The following PRKCZ variants were observed in gnomAD, a reference collection of about 807,000 sequenced individuals.
PRKCZ encodes protein kinase C zeta.
Under a neutral mutation model 79.5 loss-of-function variants are expected in PRKCZ, and 33 were observed. The ratio of observed to expected loss-of-function variants is 0.41; its 90% CI spans 0.31 to 0.55. PRKCZ has a LOEUF of 0.55. Ranked by LOEUF, PRKCZ falls within the 20% of genes least tolerant of loss-of-function variation. The probability of loss-of-function intolerance (pLI) is 0.19; values close to 1 mark genes in which losing one functional copy is unlikely to be tolerated. For synonymous variants in PRKCZ, 342 were observed against 320.9 expected (o/e 1.07, Z -0.70); for missense variants, 578 against 813.5 (o/e 0.71, Z 3.52).
chr1:2,124,954 C>A (rs559368969), intron 4 of PRKCZ, among the ~76,000 whole-genome samples: 1 of 152,220 alleles, frequency 6.6e-6, no homozygotes, highest in African/African-American at 2.4e-5. Context: ...TGGCCACATC[C>A]TCAGCGCTGT....
chr1:2,073,899 T>A (rs2102319960), intron 4 of PRKCZ: 1 of 1,259,696 alleles, frequency 7.9e-7, no homozygotes, highest in South Asian at 1.8e-5. Context: ...GCATAAAGAA[T>A]CTGCGCTGAG....
intron 4 of PRKCZ, among the ~76,000 whole-genome samples, chr1:2,079,902 A>T (rs2803345): frequency 6.6e-6 from 1 of 151,912 alleles, no homozygotes; most frequent in African/African-American, 2.4e-5. Context: ...AGGGCCGGGC[A>T]TCTCACCCCT....
At chr1:2,068,035 C>T (rs777909674) in intron 4 of PRKCZ, among the ~76,000 whole-genome samples, 2 of 152,210 alleles carry the variant, frequency 1.3e-5, no homozygotes, top group Admixed American at 1.3e-4. Context: ...GGCCACGGGA[C>T]TCTGGACGTG....
intron 9 of PRKCZ, among the ~76,000 whole-genome samples, chr1:2,153,005 A>G (rs148159346): frequency 6.6e-6 from 1 of 152,254 alleles, no homozygotes; most frequent in Non-Finnish European, 1.5e-5. Flanking sequence ...CAAACCTAGC[A>G]GTACAGTTGC....
chr1:2,168,087 T>A lies in PRKCZ; in HGVS notation c.975-1431T>A, dbSNP rs1184113866. Among the ~76,000 whole-genome samples the A allele has an allele frequency of 2.6e-5, 4 of 152,178 alleles. No homozygotes were observed. Among genetic ancestry groups the A allele is most frequent in the Non-Finnish European group, 5.9e-5 (4 of 68,032 alleles). On this transcript the variant is annotated intron_variant, in intron 10 of 17. Coordinates refer to ENST00000378567, the MANE Select transcript of PRKCZ (RefSeq NM_002744.6). This position sits in a 1 kb window ranked among gnomAD's most constrained non-coding sequence, Gnocchi z 4.7. ...TGCACATCGAGGGCACCCTCAGAGC[T>A]GCTCTTTCTGTCATTGCTATTTTGT...
At chr1:2,132,558 G>C (rs1675207243) in intron 4 of PRKCZ, among the ~76,000 whole-genome samples, 1 of 152,194 alleles carries the variant, frequency 6.6e-6, no homozygotes, top group African/African-American at 2.4e-5. Flanking sequence ...GCGGCCTTGC[G>C]GGTTGCTTCG....
intron 4 of PRKCZ, among the ~76,000 whole-genome samples, chr1:2,086,981 G>A (rs147168170): frequency 9.3e-4 from 141 of 152,250 alleles, no homozygotes; most frequent in African/African-American, 3.2e-3. Context: ...ACTTGGATTC[G>A]TTTATTCATT....
rs945865938 is a variant in PRKCZ at position 2,174,354 on chromosome 1, C to T, written c.1405+338C>T. 4.6e-5 allele frequency among the ~76,000 whole-genome samples: 7 copies of T among 152,234 alleles called. No homozygotes were observed. Among genetic ancestry groups the T allele is most frequent in the Non-Finnish European group, 8.8e-5 (6 of 68,038 alleles). ...CAGCCCCCACCCCCAAAACCCACAGCCACCATCATGGGCTCCTTCCCACCT... is the reference window on the plus strand; with the variant it reads ...CAGCCCCCACCCCCAAAACCCACAGTCACCATCATGGGCTCCTTCCCACCT... On this transcript the variant is annotated intron_variant, in intron 14 of 17. Coordinates refer to ENST00000378567, the MANE Select transcript of PRKCZ (RefSeq NM_002744.6). The surrounding 1 kb of genome is among the most constrained non-coding windows in gnomAD (Gnocchi z 6.2).
chr1:2,121,502 GA>G lies in PRKCZ; in HGVS notation c.335-13759del, dbSNP rs1375662954. ...TAGTTAGGGTCACGGTGGTAGTTAG[GA>G]TCATGGTGGTACTTAAGGTCATGGC... On this transcript the variant is annotated intron_variant, in intron 4 of 17. Transcript: ENST00000378567. 7.2e-3 allele frequency among the ~76,000 whole-genome samples: 230 copies of G among 31,864 alleles called. 7 individuals are homozygous for G. Among genetic ancestry groups the G allele is most frequent in the East Asian group, 0.025 (26 of 1,020 alleles). 20.9% of individuals were successfully genotyped at this position (31,864 alleles called of 152,430 possible). A position where few individuals can be genotyped will look rare whatever the true frequency, so the allele number is the denominator to read the frequency against.
Position 2,149,001 on chromosome 1 carries a change from G to C in PRKCZ, c.687+77G>C. On this transcript the variant is annotated intron_variant, in intron 8 of 17. Transcript: ENST00000378567. This position sits in a 1 kb window ranked among gnomAD's most constrained non-coding sequence, Gnocchi z 4.1. ...GTGAGCCTGTCTCTGGGGTAGTCACGGAAATCTAGATGTGAAATAGACATG... is the reference window on the plus strand; with the variant it reads ...GTGAGCCTGTCTCTGGGGTAGTCACCGAAATCTAGATGTGAAATAGACATG... The C allele has an allele frequency of 6.8e-7, 1 of 1,479,758 alleles. No individual in the cohort carries two copies. Among genetic ancestry groups the C allele is most frequent in the Non-Finnish European group, 9.4e-7 (1 of 1,061,094 alleles). The allele number at this position is 1,479,758 out of a possible 1,614,324, so 91.7% of individuals were successfully genotyped here. A position where few individuals can be genotyped will look rare whatever the true frequency, so the allele number is the denominator to read the frequency against.
chr1:2,100,113 C>T lies in PRKCZ; in HGVS notation c.335-35149C>T, dbSNP rs185259627. Among the ~76,000 whole-genome samples, 54 of 152,316 alleles carry T rather than the reference C, an allele frequency of 3.5e-4. 1 individual carries two copies. Among genetic ancestry groups the T allele is most frequent in the African/African-American group, 1.2e-3 (50 of 41,582 alleles). ...ACTGTCATTAGGATTCCTATGAGGG[C>T]CAGTGGGGAGACAGCTCAGTCTCGG... On this transcript the variant is annotated intron_variant, in intron 4 of 17. Transcript: ENST00000378567.
Position 2,055,298 on chromosome 1 carries a change from A to G in PRKCZ, c.72-143A>G, listed in dbSNP as rs58725160. The G allele has an allele frequency of 0.028, 18,479 of 654,464 alleles. 1,263 individuals carry two copies. In the African/African-American group the frequency reaches 0.39, roughly 14 times the overall value. 40.5% of individuals were successfully genotyped at this position (654,464 alleles called of 1,614,324 possible). A position where few individuals can be genotyped will look rare whatever the true frequency, so the allele number is the denominator to read the frequency against. On this transcript the variant is annotated intron_variant, in intron 1 of 17. Coordinates refer to ENST00000378567, the MANE Select transcript of PRKCZ (RefSeq NM_002744.6). The stretch of plus-strand genomic sequence containing the variant: ...TTAATGGTTCTATTTTGTGTGTGGG[A>G]GGGGGGAGGGGGTGGGGCTGTCATA...
rs58940751 is a variant in PRKCZ, at chr1:2,079,461, C to T, written c.334+19870C>T. The stretch of plus-strand genomic sequence containing the variant: ...CTGGGCTTAAGCCCACGCTATTTGC[C>T]GCGTGCCCCAGGGCCTGAAGCTGCG... On this transcript the variant is annotated intron_variant, in intron 4 of 17. Transcript: ENST00000378567. 1.3e-3 allele frequency among the ~76,000 whole-genome samples: 201 copies of T among 152,362 alleles called. 1 individual carries two copies. The highest frequency in any genetic ancestry group is 4.6e-3 in the African/African-American group (190 of 41,590).
intron 4 of PRKCZ, among the ~76,000 whole-genome samples, chr1:2,092,817 A>G (rs2459995): frequency 0.5 from 75,621 of 152,188 alleles, 23,053 homozygotes; most frequent in East Asian, 0.95. Flanking sequence ...AGGAGGGGCC[A>G]GGTGGACCCC....
intron 4 of PRKCZ, among the ~76,000 whole-genome samples, chr1:2,132,397 G>C (rs1262615785): frequency 6.6e-6 from 1 of 152,216 alleles, no homozygotes; most frequent in African/African-American, 2.4e-5. Context: ...TGGGGCTGCC[G>C]GGCCCTAGGG....
chr1:2,055,426 T>C lies in PRKCZ; in HGVS notation c.72-15T>C, dbSNP rs775345715. 1.1e-5 allele frequency: 17 copies of C among 1,596,208 alleles called. No individual in the cohort carries two copies. The East Asian group carries it at 3.6e-4, about 34-fold the overall frequency. On this transcript the variant is annotated splice_polypyrimidine_tract_variant and intron_variant, in intron 1 of 17. Coordinates refer to ENST00000378567, the MANE Select transcript of PRKCZ (RefSeq NM_002744.6). ...TGCCCCACGGTAACAGATGCCCATG[T>C]CCCCTCTGCCCCAGGGACATCTTCA... is the stretch of plus-strand genomic sequence containing the variant.
chr1:2,063,308 T>C (rs1557482058), intron 4 of PRKCZ, among the ~76,000 whole-genome samples: 1 of 152,168 alleles, frequency 6.6e-6, no homozygotes, highest in Non-Finnish European at 1.5e-5. Context: ...CATTGATCAT[T>C]CTATTTTTAT....
At chr1:2,181,167 GCCT>G (rs1230583020) in intron 16 of PRKCZ, among the ~76,000 whole-genome samples, 2 of 139,028 alleles carry the variant, frequency 1.4e-5, no homozygotes, top group Non-Finnish European at 3.0e-5. Flanking sequence ...GTGTCCAAAA[GCCT>G]CCTCCCCCTC....
At chr1:2,152,904 A>G (rs1015014444) in intron 9 of PRKCZ, among the ~76,000 whole-genome samples, 1 of 152,236 alleles carries the variant, frequency 6.6e-6, no homozygotes, top group East Asian at 1.9e-4. Context: ...GGGGCATTAT[A>G]GTGTTCCCAC....
Sources: gnomAD v4.1 joint callset for allele counts (sites outside exome capture counted in the v4.1 genomes callset) on GRCh38, gnomAD v4.1.1 for gene constraint, Gnocchi (gnomAD v3.1) non-coding constraint, MANE v1.5 for transcripts, NCBI Gene and HGNC (gene_info 2026-07-23, HGNC 2026-07-21) for gene names.